The following MLIP variants were observed in gnomAD, a reference collection of about 807,000 sequenced individuals.
MLIP encodes the protein muscular LMNA-interacting protein.
MLIP carries 79 observed loss-of-function variants against 84.8 expected under a neutral mutation model. The ratio of observed to expected loss-of-function variants is 0.93; its 90% confidence interval spans 0.78 to 1.12. MLIP has a LOEUF of 1.12. MLIP is among the 50% of genes most tolerant of loss of function. The probability of loss-of-function intolerance (pLI) is 0.00; values close to 1 mark genes in which losing one functional copy is unlikely to be tolerated. For synonymous variants in MLIP, 504 were observed against 463.0 expected (o/e 1.09, Z -1.14); for missense variants, 1,257 against 1,160.6 (o/e 1.08, Z -1.21).
intron 9 of MLIP, among the ~76,000 whole-genome samples, chr6:54,184,733 G>C (rs533696005): frequency 6.6e-6 from 1 of 151,688 alleles, no homozygotes; most frequent in South Asian, 2.1e-4. Context: ...TTTTTTGACT[G>C]CTCTATTAGT....
Position 54,121,517 on chromosome 6 carries a change from C to T in MLIP, c.167C>T (p.Thr56Ile), listed in dbSNP as rs1297142096. The change falls in exon 2 of 14, where the codon ACC (threonine) becomes ATC (isoleucine). Residue 56 changes from threonine (T) to isoleucine (I), a missense_variant. Thr to Ile is a moderately conservative substitution (Grantham distance 89). Transcript: ENST00000502396. ...TFVPTVRRLP[T>I]HTQLADTSKF... Reference sequence around the variant, plus strand: ...GTCCCCACTGTCAGAAGACTACCAACCCATACTCAGTTGGCTGACACCTCT... The same window carrying T: ...GTCCCCACTGTCAGAAGACTACCAATCCATACTCAGTTGGCTGACACCTCT... 3.1e-6 allele frequency: 5 copies of T among 1,613,958 alleles called. No homozygotes were observed. The highest frequency in any genetic ancestry group is 4.2e-6 in the Non-Finnish European group (5 of 1,179,976).
chr6:54,028,581 A>G (rs1328672215), intron 1 of MLIP, among the ~76,000 whole-genome samples: 2 of 152,100 alleles, frequency 1.3e-5, no homozygotes, highest in Non-Finnish European at 2.9e-5. Flanking sequence ...TTTCATCCCT[A>G]TTTTGTTTTT....
chr6:54,019,698 A>G (rs1196888624), intron 1 of MLIP, among the ~76,000 whole-genome samples: 1 of 152,188 alleles, frequency 6.6e-6, no homozygotes, highest in Non-Finnish European at 1.5e-5. Flanking sequence ...ATAGGTCACT[A>G]ATTATGTTTG....
At chr6:54,126,033 C>T (rs567517252) in intron 3 of MLIP, among the ~76,000 whole-genome samples, 1 of 151,942 alleles carries the variant, frequency 6.6e-6, no homozygotes, top group African/African-American at 2.4e-5. Context: ...ACATTTATTT[C>T]TTCTTGAAGT....
intron 11 of MLIP, among the ~76,000 whole-genome samples, chr6:54,203,044 G>T (rs1427758512): frequency 2.0e-5 from 3 of 152,056 alleles, no homozygotes; most frequent in Non-Finnish European, 1.5e-5. Flanking sequence ...AACAGAATCG[G>T]GGATCAAGTC....
chr6:54,233,185 TG>T (rs1781123584), intron 12 of MLIP, among the ~76,000 whole-genome samples: 1 of 152,202 alleles, frequency 6.6e-6, no homozygotes, highest in African/African-American at 2.4e-5. Flanking sequence ...TTCTTTTTTT[TG>T]TTTTAATTAT....
At chr6:54,053,940 C>T (rs1765506040) in intron 1 of MLIP, among the ~76,000 whole-genome samples, 1 of 152,182 alleles carries the variant, frequency 6.6e-6, no homozygotes, top group South Asian at 2.1e-4. Flanking sequence ...CTTGGCTCTA[C>T]TATCTAAGCC....
intron 9 of MLIP, among the ~76,000 whole-genome samples, chr6:54,181,842 C>T (rs2150639660): frequency 6.6e-6 from 1 of 152,310 alleles, no homozygotes; most frequent in South Asian, 2.1e-4. Context: ...CATAGCTCTG[C>T]CTAGTGCTCT....
chr6:54,177,378 G>A (rs368873049), intron 9 of MLIP, among the ~76,000 whole-genome samples: 1 of 151,846 alleles, frequency 6.6e-6, no homozygotes, highest in African/African-American at 2.4e-5. Flanking sequence ...CTAAAAGGTG[G>A]ACAAAGGACA....
chr6:54,230,499 C>T (rs1780912721), intron 11 of MLIP, among the ~76,000 whole-genome samples: 1 of 152,100 alleles, frequency 6.6e-6, no homozygotes, highest in Non-Finnish European at 1.5e-5. Flanking sequence ...TTTTGTTCTG[C>T]AGAAGAGGCT....
At chr6:54,263,197 A>G (rs1274772537) in intron 13 of MLIP, among the ~76,000 whole-genome samples, 1 of 152,072 alleles carries the variant, frequency 6.6e-6, no homozygotes, top group Non-Finnish European at 1.5e-5. Flanking sequence ...ATCAGGGTTA[A>G]TAATTATTTG....
chr6:54,027,416 C>T (rs1763880812), intron 1 of MLIP, among the ~76,000 whole-genome samples: 1 of 119,018 alleles, frequency 8.4e-6, no homozygotes, highest in Admixed American at 8.6e-5. Flanking sequence ...CACACACACA[C>T]ACACATATAT....
At chr6:54,095,552 T>C (rs1226689870) in intron 1 of MLIP, among the ~76,000 whole-genome samples, 1 of 152,120 alleles carries the variant, frequency 6.6e-6, no homozygotes, top group African/African-American at 2.4e-5. Flanking sequence ...ACTCCTGCTG[T>C]AACTGGAATG....
At chr6:54,041,228 A>G (rs1764724799) in intron 1 of MLIP, among the ~76,000 whole-genome samples, 1 of 152,100 alleles carries the variant, frequency 6.6e-6, no homozygotes, top group Non-Finnish European at 1.5e-5. Flanking sequence ...TTATAACAAT[A>G]TTGCTCCATG....
chr6:54,088,509 C>T (rs904221395), intron 1 of MLIP, among the ~76,000 whole-genome samples: 1 of 152,174 alleles, frequency 6.6e-6, no homozygotes, highest in African/African-American at 2.4e-5. Flanking sequence ...CTAGCCCATA[C>T]TTTTAATTAC....
Position 54,202,170 on chromosome 6 carries a change from A to T in MLIP, c.2655A>T (p.Glu885Asp), listed in dbSNP as rs748127681. ...KSRILLKKEE[E>D]VYEPNPFSKY... is the part of the protein sequence containing the mutation. ...GAATATTACTGAAAAAAGAGGAGGAAGTCTATGAACCCAACCCTTTCAGTA... is the reference window on the plus strand; with the variant it reads ...GAATATTACTGAAAAAAGAGGAGGATGTCTATGAACCCAACCCTTTCAGTA... The change falls in exon 11 of 14, where the codon GAA (glutamate) becomes GAT (aspartate). Residue 885 changes from glutamate (E) to aspartate (D), a missense_variant. Glu to Asp is a conservative substitution (Grantham distance 45). Transcript: ENST00000502396. 1 of 1,602,750 alleles carries T rather than the reference A, an allele frequency of 6.2e-7. No homozygotes were observed. Among genetic ancestry groups the T allele is most frequent in the Non-Finnish European group, 8.5e-7 (1 of 1,173,610 alleles).
At chr6:54,186,482 C>T (rs1777405455) in intron 9 of MLIP, among the ~76,000 whole-genome samples, 1 of 152,078 alleles carries the variant, frequency 6.6e-6, no homozygotes, top group South Asian at 2.1e-4. Context: ...TTTCATACTG[C>T]TATAAAGAAC....
intron 1 of MLIP, among the ~76,000 whole-genome samples, chr6:54,062,987 G>C (rs934388016): frequency 6.6e-5 from 10 of 152,066 alleles, no homozygotes; most frequent in Admixed American, 5.9e-4. Context: ...TGGATTACTT[G>C]AGGTCGCAGT....
At chr6:54,031,080 A>T (rs1262447122) in intron 1 of MLIP, among the ~76,000 whole-genome samples, 1 of 152,176 alleles carries the variant, frequency 6.6e-6, no homozygotes, top group Admixed American at 6.5e-5. Flanking sequence ...GAACATTAAC[A>T]TGTAAATCAG....
Sources: allele counts gnomAD v4.1 joint callset (sites outside exome capture counted in the v4.1 genomes callset), GRCh38; gene constraint gnomAD v4.1.1; transcripts MANE v1.5; gene names NCBI Gene and HGNC (gene_info 2026-07-23, HGNC 2026-07-21).